Variants in DIABLO observed in about 807,000 individuals in gnomAD.
DIABLO encodes diablo homolog, mitochondrial.
Under a neutral mutation model 31.7 loss-of-function variants are expected in DIABLO, and 32 were observed. That is an observed-to-expected ratio of 1.01 (90% confidence interval 0.76 to 1.35). The LOEUF (loss-of-function observed/expected upper bound fraction) is 1.35. Among genes scored for constraint, DIABLO ranks in the 40% most tolerant of loss-of-function variants. The pLI is 0.00. For missense variants in DIABLO, 316 were observed against 286.4 expected (o/e 1.10, Z -0.75); for synonymous variants, 132 against 103.2 (o/e 1.28, Z -1.69).
chr12:122,224,969 A>C, intron 1 of DIABLO: 1 of 587,152 alleles, frequency 1.7e-6, no homozygotes, highest in Non-Finnish European at 2.6e-6. Flanking sequence ...AAAATAAGTA[A>C]ATAAAGGCCG....
At chr12:122,215,367 T>C (rs1593173359) in intron 5 of DIABLO, among the ~76,000 whole-genome samples, 1 of 149,804 alleles carries the variant, frequency 6.7e-6, no homozygotes, top group African/African-American at 2.5e-5. Context: ...TCACCTGAGG[T>C]CAGGAGTTCA....
At chr12:122,226,683 C>T (rs1403792729), upstream of DIABLO, 1 of 613,230 alleles carries the variant, frequency 1.6e-6, no homozygotes, top group South Asian at 1.9e-5. Flanking sequence ...GCCAGGAAGC[C>T]CACAGTGCCG....
Position 122,207,788 on chromosome 12 carries a change from T to C in DIABLO, c.*593A>G. On this transcript the variant is annotated 3_prime_UTR_variant, in exon 6 of 6. Coordinates refer to ENST00000464942, the MANE Select transcript of DIABLO (RefSeq NM_001371333.1). The stretch of plus-strand genomic sequence containing the variant: ...AGAGGCCTGTGTTAAGTCCTGTTGA[T>C]GTTAAGTCCTGTTGAGAGCACCAGG... 2.1e-6 allele frequency: 1 copy of C among 468,226 alleles called. No homozygotes were observed. The allele number at this position is 468,226 out of a possible 1,614,324, so 29.0% of individuals were successfully genotyped here. A position where few individuals can be genotyped will look rare whatever the true frequency, so the allele number is the denominator to read the frequency against.
chr12:122,216,643 A>C, intron 4 of DIABLO, 59 bp from the exon 5 acceptor site: 1 of 1,566,012 alleles, frequency 6.4e-7, no homozygotes, highest in Non-Finnish European at 8.8e-7. Context: ...ATTTAAATGG[A>C]CTTAAAGTAG....
At position 122,223,972 on chromosome 12, in the gene DIABLO, TTC is replaced by T. The variant is rs559914039; in HGVS notation, c.183+538_183+539del. On this transcript the variant is annotated intron_variant, in intron 2 of 5. Coordinates refer to ENST00000464942, the MANE Select transcript of DIABLO (RefSeq NM_001371333.1). ...TGAGCCACCACACCCGGCTAAATTT[TTC>T]TGTTTTGTAGAGACAGAGTCTCCCT... Among the ~76,000 whole-genome samples the T allele has an allele frequency of 2.9e-3, 442 of 152,240 alleles. 1 individual carries two copies. Among genetic ancestry groups the T allele is most frequent in the African/African-American group, 0.01 (424 of 41,530 alleles).
chr12:122,211,913 T>C (rs1411176357), intron 5 of DIABLO, among the ~76,000 whole-genome samples: 1 of 152,184 alleles, frequency 6.6e-6, no homozygotes, highest in Non-Finnish European at 1.5e-5. Flanking sequence ...TAGTTTTAGC[T>C]AAATTTTGGA....
At chr12:122,212,691 C>T (rs1954114819) in intron 5 of DIABLO, among the ~76,000 whole-genome samples, 3 of 149,708 alleles carry the variant, frequency 2.0e-5, no homozygotes, top group Admixed American at 2.0e-4. Flanking sequence ...GTGGTGTGAT[C>T]TCTGCTCACT....
At chr12:122,209,757 A>G (rs1172536056) in intron 5 of DIABLO, 4 of 703,290 alleles carry the variant, frequency 5.7e-6, no homozygotes, top group Non-Finnish European at 1.0e-5. Context: ...TCGTCTGTAG[A>G]ACATTTTGAT....
upstream of DIABLO, chr12:122,227,287 A>G (rs1337073854): frequency 7.0e-6 from 3 of 431,200 alleles, no homozygotes; most frequent in Non-Finnish European, 1.4e-5. Flanking sequence ...CAACACCTCC[A>G]ATGCTGCTTT....
At position 122,209,840 on chromosome 12, in the gene DIABLO, A is replaced by G. The variant is rs185413602; in HGVS notation, c.524-1263T>C. On this transcript the variant is annotated intron_variant, in intron 5 of 5. Coordinates refer to ENST00000464942, the MANE Select transcript of DIABLO (RefSeq NM_001371333.1). ...AGAATGGCAGGCATCCTCCTCTTCT[A>G]ACTTCGATGAAAACACTTCTGAAAG... The G allele has an allele frequency of 6.5e-4, 460 of 702,574 alleles. No individual in the cohort carries two copies. The African/African-American group carries it at 6.9e-3, about 10-fold the overall frequency. The allele number at this position is 702,574 out of a possible 1,614,324, so 43.5% of individuals were successfully genotyped here. A position where few individuals can be genotyped will look rare whatever the true frequency, so the allele number is the denominator to read the frequency against.
intron 1 of DIABLO, chr12:122,225,184 G>T: frequency 4.0e-6 from 1 of 248,272 alleles, no homozygotes; most frequent in Non-Finnish European, 7.8e-6. Context: ...CTGCACTTCA[G>T]CCTGGGCAAC....
intron 5 of DIABLO, 110 bp downstream of exon 5, chr12:122,216,378 T>G (rs1392203441): frequency 1.3e-5 from 12 of 916,832 alleles, no homozygotes; most frequent in Non-Finnish European, 2.1e-5. Context: ...TGAGAGCCAC[T>G]TAGACCATTT....
At chr12:122,207,667 C>T (rs772563633), downstream of DIABLO, 1 of 641,420 alleles carries the variant, frequency 1.6e-6, no homozygotes, top group South Asian at 1.5e-5. Context: ...CTGCATAGGA[C>T]CCCAGGAGAG....
In DIABLO at chr12:122,224,449, C is replaced by T. The variant is rs80081594; in HGVS notation, c.183+63G>A. On this transcript the variant is annotated intron_variant, in intron 2 of 5. Transcript: ENST00000464942. ...TATGGTAGCTTGTCTAATGCTTCAC[C>T]GCCCACTTGAGACTTCAAGAGGACA... The T allele has an allele frequency of 9.6e-3, 15,430 of 1,612,396 alleles. 1,225 individuals carry two copies. The African/African-American group carries it at 0.18, about 19-fold the overall frequency.
At chr12:122,221,906 G>A (rs540050092) in intron 2 of DIABLO, 1 of 152,322 alleles carries the variant, frequency 6.6e-6, no homozygotes, top group South Asian at 2.1e-4. Flanking sequence ...CAAGTGAGGG[G>A]TTTTAGGGCT....
rs748746069 is a variant in DIABLO, at chr12:122,224,587, T to C, written c.108A>G (p.Ser36=). 25 of 1,613,932 alleles carry C rather than the reference T, an allele frequency of 1.5e-5. No individual in the cohort carries two copies. Among genetic ancestry groups the C allele is most frequent in the Non-Finnish European group, 1.9e-5 (22 of 1,180,038 alleles). The change falls in exon 2 of 6, where the codon TCA becomes TCG. Residue 36 remains serine (S), a synonymous_variant. Coordinates refer to ENST00000464942, the MANE Select transcript of DIABLO (RefSeq NM_001371333.1). ...TTTTGTGCCATGGTCTTATCAATTC[T>C]GAGAAACACCGCTTCTTAAAGTTAG... is the stretch of plus-strand genomic sequence containing the variant. ...VVANFKKRCF[S]ELIRPWHKTV... is the part of the protein sequence containing the mutation.
chr12:122,226,273 C>CGGCGCGGAGCTGAGTCG, upstream of DIABLO: 2 of 687,074 alleles, frequency 2.9e-6, no homozygotes, highest in Non-Finnish European at 2.6e-6. Flanking sequence ...GAGGTGGGTC[C>CGGCGCGGAGCTGAGTCG]GGCGCGGAGC....
upstream of DIABLO, chr12:122,227,268 G>T: frequency 2.4e-6 from 1 of 411,346 alleles, no homozygotes; most frequent in Non-Finnish European, 4.9e-6. Flanking sequence ...TCAGACAGTA[G>T]GAACCCTACA....
At chr12:122,221,016 A>T (rs1339695503) in intron 2 of DIABLO, 1 of 152,272 alleles carries the variant, frequency 6.6e-6, no homozygotes, top group Non-Finnish European at 1.5e-5. Context: ...GAAGCTCAGA[A>T]TAGTTATGTA....
Sources: allele counts gnomAD v4.1 joint callset (sites outside exome capture counted in the v4.1 genomes callset), GRCh38; gene constraint gnomAD v4.1.1; transcripts MANE v1.5; gene names NCBI Gene and HGNC (gene_info 2026-07-23, HGNC 2026-07-21).